Variants in HDAC9 observed in about 807,000 individuals in gnomAD.
The protein encoded by HDAC9 is MEF-2 interacting transcription repressor (MITR) protein.
In HDAC9, 41 loss-of-function variants were observed where a neutral mutation model predicts 139.4. The observed-to-expected ratio is 0.29, with a 90% confidence interval of 0.23 to 0.38. HDAC9 has a LOEUF of 0.38. HDAC9 is among the 10% of genes least tolerant of loss of function. The probability of loss-of-function intolerance (pLI) is 1.00; values close to 1 mark genes in which losing one functional copy is unlikely to be tolerated. For missense variants in HDAC9, 1,147 were observed against 1,297.0 expected (o/e 0.88, Z 1.78); for synonymous variants, 517 against 476.2 (o/e 1.09, Z -1.12).
intron 1 of HDAC9, among the ~76,000 whole-genome samples, chr7:18,383,224 A>C (rs149925938): frequency 6.6e-6 from 1 of 152,222 alleles, no homozygotes; most frequent in Non-Finnish European, 1.5e-5. Context: ...ATAGAAATGA[A>C]CTAGAAAACC....
At chr7:18,593,214 G>A (rs1831482326) in intron 5 of HDAC9, among the ~76,000 whole-genome samples, 1 of 151,876 alleles carries the variant, frequency 6.6e-6, no homozygotes, top group African/African-American at 2.4e-5. Flanking sequence ...ACTATGTCCT[G>A]TTCATTGTTT....
At chr7:18,401,454 T>G (rs1212704918) in intron 1 of HDAC9, among the ~76,000 whole-genome samples, 1 of 152,194 alleles carries the variant, frequency 6.6e-6, no homozygotes, top group Non-Finnish European at 1.5e-5. Flanking sequence ...TTCTGGGAGC[T>G]TTGCACTTTG....
chr7:18,567,051 C>T (rs1822581291), intron 2 of HDAC9, among the ~76,000 whole-genome samples: 1 of 152,182 alleles, frequency 6.6e-6, no homozygotes, highest in African/African-American at 2.4e-5. Context: ...GTGCCTTAGT[C>T]ATTCATGCAA....
intron 12 of HDAC9, among the ~76,000 whole-genome samples, chr7:18,720,303 T>C (rs1785044876): frequency 6.6e-6 from 1 of 151,890 alleles, no homozygotes; most frequent in African/African-American, 2.4e-5. Context: ...AAGTTTGCAT[T>C]TTAATTAATT....
At chr7:18,989,400 G>T (rs1785664883) in intron 25 of HDAC9, among the ~76,000 whole-genome samples, 1 of 152,118 alleles carries the variant, frequency 6.6e-6, no homozygotes, top group Non-Finnish European at 1.5e-5. Context: ...CTTCTGGCTT[G>T]TAGAGTTTCT....
At chr7:18,827,233 A>G (rs945476527) in intron 17 of HDAC9, among the ~76,000 whole-genome samples, 12 of 152,080 alleles carry the variant, frequency 7.9e-5, no homozygotes, top group African/African-American at 2.9e-4. Flanking sequence ...TCCACTAAAT[A>G]TTTATAACAA....
intron 1 of HDAC9, among the ~76,000 whole-genome samples, chr7:18,403,709 G>C (rs74454303): frequency 0.019 from 2,939 of 152,252 alleles, 82 homozygotes; most frequent in African/African-American, 0.067. Flanking sequence ...TTCTGATCTG[G>C]TACACCATGG....
At chr7:18,816,883 G>A (rs1158046857) in intron 17 of HDAC9, among the ~76,000 whole-genome samples, 2 of 152,142 alleles carry the variant, frequency 1.3e-5, no homozygotes, top group Non-Finnish European at 2.9e-5. Context: ...TTTGGATGGG[G>A]AAGCAGTCAC....
chr7:18,512,032 A>T (rs1801688694), intron 2 of HDAC9, among the ~76,000 whole-genome samples: 1 of 152,056 alleles, frequency 6.6e-6, no homozygotes, highest in Admixed American at 6.5e-5. Context: ...AAAAAAAAAA[A>T]AAAATCTTCT....
At chr7:18,614,614 T>C (rs938031735) in intron 6 of HDAC9, among the ~76,000 whole-genome samples, 3 of 152,190 alleles carry the variant, frequency 2.0e-5, no homozygotes, top group Admixed American at 2.0e-4. Flanking sequence ...TTAGTACTTG[T>C]TAAGAAATGG....
chr7:18,257,401 C>A (rs201524250), intron 2 of HDAC9, among the ~76,000 whole-genome samples: 42 of 130,956 alleles, frequency 3.2e-4, no homozygotes, highest in South Asian at 1.4e-3. Flanking sequence ...TCTGTCTCTC[C>A]CACACACACA....
At chr7:18,632,996 T>C (rs1246155671) in intron 7 of HDAC9, among the ~76,000 whole-genome samples, 1 of 151,964 alleles carries the variant, frequency 6.6e-6, no homozygotes. Context: ...GTAGGGGAGC[T>C]TGGAAGGTCC....
chr7:18,488,303 T>A (rs74657398), intron 1 of HDAC9, among the ~76,000 whole-genome samples: 2 of 152,024 alleles, frequency 1.3e-5, no homozygotes, highest in South Asian at 4.1e-4. Flanking sequence ...TTATTCAGCA[T>A]GAACCATTAC....
chr7:18,593,384 C>T (rs1485355794), intron 5 of HDAC9, among the ~76,000 whole-genome samples: 1 of 151,980 alleles, frequency 6.6e-6, no homozygotes, highest in Non-Finnish European at 1.5e-5. Context: ...AATGTGATCC[C>T]CATTCTTTAC....
Position 18,160,770 on chromosome 7 carries a change from C to T in HDAC9, c.-96-1459C>T, listed in dbSNP as rs182390310. Among the ~76,000 whole-genome samples, 8 of 152,182 alleles carry T rather than the reference C, an allele frequency of 5.3e-5. No individual in the cohort carries two copies. In the East Asian group the frequency reaches 1.5e-3, roughly 29 times the overall value. ...TAGCTGGGATTACAGGCGCCCACCA[C>T]CATGCCTGGCTAATTTTTTGTATTT... On this transcript the variant is annotated intron_variant, in intron 1 of 12. Coordinates refer to the HDAC9 transcript ENST00000417496.
intron 2 of HDAC9, among the ~76,000 whole-genome samples, chr7:18,577,918 A>T (rs1312760278): frequency 6.6e-6 from 1 of 152,152 alleles, no homozygotes; most frequent in Non-Finnish European, 1.5e-5. Flanking sequence ...ATGAGACTGA[A>T]AAAAAGGACT....
At chr7:18,967,591 G>A (rs1366429077) in intron 24 of HDAC9, among the ~76,000 whole-genome samples, 1 of 149,934 alleles carries the variant, frequency 6.7e-6, no homozygotes, top group Non-Finnish European at 1.5e-5. Context: ...AAATCATTTG[G>A]TTTTGCATTG....
intron 1 of HDAC9, among the ~76,000 whole-genome samples, chr7:18,104,120 C>A (rs1243650777): frequency 1.3e-5 from 2 of 152,182 alleles, no homozygotes; most frequent in Non-Finnish European, 2.9e-5. Context: ...ACAAGGGGAG[C>A]ATGTGCAAAC....
chr7:18,591,298 G>A (rs1830865216), intron 4 of HDAC9, among the ~76,000 whole-genome samples: 1 of 152,104 alleles, frequency 6.6e-6, no homozygotes, highest in African/African-American at 2.4e-5. Context: ...TGCAATTTAA[G>A]TAGTATTTAT....
Sources: allele counts gnomAD v4.1 joint callset (sites outside exome capture counted in the v4.1 genomes callset), GRCh38; gene constraint gnomAD v4.1.1; transcripts MANE v1.5; gene names NCBI Gene and HGNC (gene_info 2026-07-23, HGNC 2026-07-21).